The following CNTNAP5 variants were observed in gnomAD, a reference collection of about 807,000 sequenced individuals.
CNTNAP5 encodes the protein contactin associated protein family member 5, also known as contactin-associated protein-like 5.
Under a neutral mutation model 150.2 loss-of-function variants are expected in CNTNAP5, and 72 were observed. The observed-to-expected ratio is 0.48, with a 90% CI of 0.40 to 0.58. The LOEUF (loss-of-function observed/expected upper bound fraction) is 0.58. Among genes scored for constraint, CNTNAP5 ranks in the 20% least tolerant of loss-of-function variants. The probability of loss-of-function intolerance (pLI) is 0.00; values close to 1 mark genes in which losing one functional copy is unlikely to be tolerated. For synonymous variants in CNTNAP5, 672 were observed against 619.8 expected, an observed-to-expected ratio of 1.08 and a Z score of -1.25; for missense variants, 1,636 against 1,626.2, an observed-to-expected ratio of 1.01 and a Z score of -0.10.
intron 4 of CNTNAP5, among the ~76,000 whole-genome samples, chr2:124,419,326 A>G (rs576753550): frequency 6.6e-6 from 1 of 152,084 alleles, no homozygotes; most frequent in Non-Finnish European, 1.5e-5. Flanking sequence ...GTTCACCCAC[A>G]GTGTCTACTT....
chr2:124,032,122 A>C (rs1420164576), intron 1 of CNTNAP5, among the ~76,000 whole-genome samples: 3 of 152,186 alleles, frequency 2.0e-5, no homozygotes, highest in African/African-American at 7.2e-5. Context: ...ACCTTTAGTC[A>C]TGTCAGAGTG....
At position 124,881,883 on chromosome 2, in the gene CNTNAP5, T is replaced by A. The variant is rs146904667; in HGVS notation, c.3436+12121T>A. Among the ~76,000 whole-genome samples the A allele has an allele frequency of 1.7e-4, 26 of 152,152 alleles. No homozygotes were observed. The East Asian group carries it at 5.0e-3, about 30-fold the overall frequency. On this transcript the variant is annotated intron_variant, in intron 21 of 23. Coordinates refer to ENST00000682447, the MANE Select transcript of CNTNAP5 (RefSeq NM_001367498.1). ...TGCTTCTATGTGTTTCATAATACAC[T>A]TCTTCTGATTAGTAATGCATCACAG... is the stretch of plus-strand genomic sequence containing the variant.
chr2:124,587,062 T>C (rs759501222), intron 11 of CNTNAP5, among the ~76,000 whole-genome samples: 1 of 152,162 alleles, frequency 6.6e-6, no homozygotes, highest in African/African-American at 2.4e-5. Flanking sequence ...CTCAACCCTG[T>C]TGTATGAGAT....
At chr2:124,216,803 A>G (rs544899094) in intron 1 of CNTNAP5, among the ~76,000 whole-genome samples, 4 of 152,074 alleles carry the variant, frequency 2.6e-5, no homozygotes, top group East Asian at 1.9e-4. Context: ...TGGACATTTG[A>G]GTTGGTTCCA....
intron 13 of CNTNAP5, among the ~76,000 whole-genome samples, chr2:124,705,980 G>T (rs766561815): frequency 3.3e-5 from 5 of 152,164 alleles, no homozygotes; most frequent in Non-Finnish European, 7.3e-5. Context: ...ATCATCACAG[G>T]CAAAGGGAAA....
At chr2:124,271,186 C>T (rs998856968) in intron 3 of CNTNAP5, among the ~76,000 whole-genome samples, 2 of 151,030 alleles carry the variant, frequency 1.3e-5, no homozygotes, top group African/African-American at 4.9e-5. Flanking sequence ...TTGAATAAGT[C>T]AGAAAAAAAT....
At chr2:124,102,594 A>G (rs1683089155) in intron 1 of CNTNAP5, among the ~76,000 whole-genome samples, 1 of 152,094 alleles carries the variant, frequency 6.6e-6, no homozygotes, top group South Asian at 2.1e-4. Context: ...AAAGCTAACT[A>G]TTTTCTGCCT....
At chr2:124,856,681 A>C (rs2104709497) in intron 19 of CNTNAP5, among the ~76,000 whole-genome samples, 1 of 152,252 alleles carries the variant, frequency 6.6e-6, no homozygotes, top group South Asian at 2.1e-4. Context: ...GTAGGATATA[A>C]ATAATAATAA....
At chr2:124,641,590 C>T (rs1303855493) in intron 12 of CNTNAP5, among the ~76,000 whole-genome samples, 2 of 152,184 alleles carry the variant, frequency 1.3e-5, no homozygotes, top group African/African-American at 4.8e-5. Flanking sequence ...TTTAAACTGT[C>T]TTTACCCTTG....
intron 1 of CNTNAP5, among the ~76,000 whole-genome samples, chr2:124,133,928 T>A (rs902225421): frequency 5.9e-5 from 9 of 152,212 alleles, no homozygotes. Context: ...CACCTGCATC[T>A]GTTAAAGGGC....
intron 3 of CNTNAP5, among the ~76,000 whole-genome samples, chr2:124,260,414 C>T (rs552987458): frequency 6.6e-6 from 1 of 152,264 alleles, no homozygotes; most frequent in East Asian, 1.9e-4. Context: ...CATAAAATCC[C>T]TAGAAGAAAA....
At chr2:124,745,071 A>G (rs181843128) in intron 13 of CNTNAP5, among the ~76,000 whole-genome samples, 131 of 152,314 alleles carry the variant, frequency 8.6e-4, no homozygotes, top group African/African-American at 2.9e-3. Flanking sequence ...GCGGTGCAAG[A>G]TGTTGATGGA....
intron 14 of CNTNAP5, among the ~76,000 whole-genome samples, chr2:124,757,521 G>C (rs946626701): frequency 6.6e-6 from 1 of 152,196 alleles, no homozygotes; most frequent in Admixed American, 6.5e-5. Context: ...GGAGACATTG[G>C]TGGTTATAGG....
rs148458699 is a variant in CNTNAP5 at position 124,257,173 on chromosome 2, C to A, written c.381+14780C>A. ...ATTATGCTTCTGGACTTCTGGCCTC[C>A]AGAAATATGAAAGAATAATTTTCTT... is the stretch of plus-strand genomic sequence containing the variant. On this transcript the variant is annotated intron_variant, in intron 3 of 23. Coordinates refer to ENST00000682447, the MANE Select transcript of CNTNAP5 (RefSeq NM_001367498.1). 4.1e-3 allele frequency among the ~76,000 whole-genome samples: 620 copies of A among 152,282 alleles called. 7 individuals carry two copies. The highest frequency in any genetic ancestry group is 0.029 in the East Asian group (152 of 5,174).
chr2:124,468,352 G>T (rs759302406), intron 6 of CNTNAP5, among the ~76,000 whole-genome samples: 35 of 152,110 alleles, frequency 2.3e-4, no homozygotes, highest in Non-Finnish European at 4.4e-4. Context: ...AGGCCCAAGA[G>T]TCCCTGGCAA....
At chr2:124,318,010 G>A (rs1689009741) in intron 3 of CNTNAP5, among the ~76,000 whole-genome samples, 1 of 152,178 alleles carries the variant, frequency 6.6e-6, no homozygotes, top group Non-Finnish European at 1.5e-5. Flanking sequence ...GCTTCATAGG[G>A]GAAATGTAAA....
chr2:124,763,659 T>G lies in CNTNAP5; in HGVS notation c.2235-13T>G. 2 of 1,608,262 alleles carry G rather than the reference T, an allele frequency of 1.2e-6. No homozygotes were observed. Among genetic ancestry groups the G allele is most frequent in the Non-Finnish European group, 1.7e-6 (2 of 1,177,108 alleles). The stretch of plus-strand genomic sequence containing the variant: ...ATTTTGTCCTCTTTTTTTCTTAAAT[T>G]TATGTTTTGCAGGACAAATGATACT... On this transcript the variant is annotated splice_polypyrimidine_tract_variant and intron_variant, in intron 14 of 23. Coordinates refer to ENST00000682447, the MANE Select transcript of CNTNAP5 (RefSeq NM_001367498.1).
intron 19 of CNTNAP5, among the ~76,000 whole-genome samples, chr2:124,835,472 G>C (rs897008564): frequency 3.9e-5 from 6 of 152,102 alleles, no homozygotes; most frequent in African/African-American, 1.4e-4. Context: ...ACAGCCTCTG[G>C]CCAAGACCCA....
chr2:124,186,837 G>A (rs1484554033), intron 1 of CNTNAP5, among the ~76,000 whole-genome samples: 1 of 152,190 alleles, frequency 6.6e-6, no homozygotes, highest in African/African-American at 2.4e-5. Flanking sequence ...CTCCCAAAGA[G>A]ATAGTACAAT....
Sources: allele counts gnomAD v4.1 joint callset (sites outside exome capture counted in the v4.1 genomes callset), GRCh38; gene constraint gnomAD v4.1.1; transcripts MANE v1.5; gene names NCBI Gene and HGNC (gene_info 2026-07-23, HGNC 2026-07-21).